ST6GALNAC3: variants seen among roughly 807,000 people sequenced by gnomAD.
ST6GALNAC3 encodes the protein ST6 N-acetylgalactosaminide alpha-2,6-sialyltransferase 3.
In ST6GALNAC3, 25 loss-of-function variants were observed where a neutral mutation model predicts 32.7. The observed-to-expected ratio is 0.76, with a 90% CI of 0.56 to 1.07. ST6GALNAC3 has a LOEUF of 1.07. Among genes scored for constraint, ST6GALNAC3 ranks in the 50% least tolerant of loss-of-function variants. ST6GALNAC3 has a pLI of 0.00. For synonymous variants in ST6GALNAC3, 129 were observed against 133.1 expected (o/e 0.97, Z 0.21); for missense variants, 355 against 382.4 (o/e 0.93, Z 0.60).
chr1:76,380,551 AAAT>A (rs1247007304), intron 2 of ST6GALNAC3, among the ~76,000 whole-genome samples: 1 of 152,364 alleles, frequency 6.6e-6, no homozygotes, highest in East Asian at 1.9e-4. Flanking sequence ...CCATATTTGA[AAAT>A]AATAAAAATG....
At chr1:76,122,824 T>C (rs1218714265) in intron 1 of ST6GALNAC3, among the ~76,000 whole-genome samples, 1 of 152,150 alleles carries the variant, frequency 6.6e-6, no homozygotes, top group African/African-American at 2.4e-5. Context: ...AGCCAGACTC[T>C]GTTGTGCATA....
intron 3 of ST6GALNAC3, among the ~76,000 whole-genome samples, chr1:76,436,140 C>G (rs1656126965): frequency 6.6e-6 from 1 of 152,042 alleles, no homozygotes; most frequent in Non-Finnish European, 1.5e-5. Context: ...AATCCAATCT[C>G]TTTTGTATTA....
chr1:76,407,708 C>T (rs1250653029), intron 2 of ST6GALNAC3, among the ~76,000 whole-genome samples: 1 of 150,074 alleles, frequency 6.7e-6, no homozygotes, highest in African/African-American at 2.4e-5. Context: ...AAAATAGAGA[C>T]AATTCAACTA....
In ST6GALNAC3 at chr1:76,287,387, C is replaced by CTTTTT. The variant is rs5775339; in HGVS notation, c.19-26405_19-26401dup. ...CAGTTGTAGGTTTTCTTTTTTCTTCCTTTTTTTTTTTTTTTTTGCATTTGA... is the reference window on the plus strand; with the variant it reads ...CAGTTGTAGGTTTTCTTTTTTCTTCCTTTTTTTTTTTTTTTTTTTTTTGCATTTGA... On this transcript the variant is annotated intron_variant, in intron 1 of 4. Transcript: ENST00000328299. Among the ~76,000 whole-genome samples, 224 of 130,740 alleles carry CTTTTT rather than the reference C, an allele frequency of 1.7e-3. 2 individuals carry two copies. The highest frequency in any genetic ancestry group is 6.2e-3 in the African/African-American group (216 of 34,814). The allele number at this position is 130,740 out of a possible 152,430, so 85.8% of individuals were successfully genotyped here.
intron 3 of ST6GALNAC3, among the ~76,000 whole-genome samples, chr1:76,428,192 A>G (rs554729500): frequency 6.6e-6 from 1 of 152,196 alleles, no homozygotes; most frequent in East Asian, 1.9e-4. Context: ...ACGGTTCATC[A>G]GCATCTTACT....
At chr1:76,321,984 G>A (rs994506062) in intron 2 of ST6GALNAC3, among the ~76,000 whole-genome samples, 22 of 152,102 alleles carry the variant, frequency 1.4e-4, no homozygotes, top group African/African-American at 5.1e-4. Flanking sequence ...TTTTAATGTA[G>A]TGATCGGTTC....
chr1:76,304,327 C>T (rs1366768578), intron 1 of ST6GALNAC3, among the ~76,000 whole-genome samples: 1 of 151,962 alleles, frequency 6.6e-6, no homozygotes, highest in Non-Finnish European at 1.5e-5. Flanking sequence ...TCCTTCCCTC[C>T]CTTCCTTTCT....
At chr1:76,549,718 A>G (rs1237147143) in intron 3 of ST6GALNAC3, among the ~76,000 whole-genome samples, 1 of 152,096 alleles carries the variant, frequency 6.6e-6, no homozygotes, top group African/African-American at 2.4e-5. Flanking sequence ...CTAGAAGTAA[A>G]TTTACAGGGG....
chr1:76,580,544 A>G (rs747439270), intron 3 of ST6GALNAC3, among the ~76,000 whole-genome samples: 2 of 152,226 alleles, frequency 1.3e-5, no homozygotes, highest in Non-Finnish European at 2.9e-5. Context: ...ATGTTATCTT[A>G]GGGAACCAGC....
intron 1 of ST6GALNAC3, among the ~76,000 whole-genome samples, chr1:76,269,805 A>T (rs1658732757): frequency 1.3e-5 from 2 of 152,158 alleles, no homozygotes; most frequent in African/African-American, 4.8e-5. Context: ...CACTATGAAT[A>T]CACCCTCCAA....
At chr1:76,203,554 T>G (rs1196556167) in intron 1 of ST6GALNAC3, among the ~76,000 whole-genome samples, 1 of 152,166 alleles carries the variant, frequency 6.6e-6, no homozygotes, top group Non-Finnish European at 1.5e-5. Context: ...AGAAAGTTTA[T>G]GTTTAAATGC....
At chr1:76,430,835 A>G (rs898580865) in intron 3 of ST6GALNAC3, among the ~76,000 whole-genome samples, 3 of 152,058 alleles carry the variant, frequency 2.0e-5, no homozygotes, top group African/African-American at 7.2e-5. Context: ...TCAATTTCGT[A>G]AGCACTTGAA....
rs200875898 is a variant in ST6GALNAC3, at chr1:76,320,959, T to TAC, written c.213+6961_213+6962insCA. Among the ~76,000 whole-genome samples, 278 of 148,440 alleles carry TAC rather than the reference T, an allele frequency of 1.9e-3. 2 individuals are homozygous for TAC. The highest frequency in any genetic ancestry group is 6.5e-3 in the African/African-American group (252 of 38,644). ...TGTGTAAATGGTGTAAAATGGTATA[T>TAC]ATATACACACACACACACACACACA... On this transcript the variant is annotated intron_variant, in intron 2 of 4. Transcript: ENST00000328299.
At chr1:76,334,541 CA>C (rs1319431031) in intron 2 of ST6GALNAC3, among the ~76,000 whole-genome samples, 2 of 152,152 alleles carry the variant, frequency 1.3e-5, no homozygotes, top group East Asian at 3.8e-4. Flanking sequence ...CGATGTTGGA[CA>C]AATGAAGTGA....
At chr1:76,109,862 C>G (rs1205340265) in intron 1 of ST6GALNAC3, among the ~76,000 whole-genome samples, 1 of 152,176 alleles carries the variant, frequency 6.6e-6, no homozygotes, top group Non-Finnish European at 1.5e-5. Context: ...CTTTCAAGCA[C>G]AGGTTTAGGT....
At chr1:76,522,703 C>A (rs1662623276) in intron 3 of ST6GALNAC3, among the ~76,000 whole-genome samples, 1 of 152,162 alleles carries the variant, frequency 6.6e-6, no homozygotes. Context: ...AGTTCTTTTT[C>A]TTCCATGTTT....
intron 3 of ST6GALNAC3, among the ~76,000 whole-genome samples, chr1:76,481,366 C>T (rs1279263420): frequency 6.6e-6 from 1 of 152,106 alleles, no homozygotes; most frequent in Non-Finnish European, 1.5e-5. Flanking sequence ...CCCCAGTTTC[C>T]TGATTTGCTA....
intron 1 of ST6GALNAC3, among the ~76,000 whole-genome samples, chr1:76,203,338 C>T (rs978466601): frequency 6.6e-6 from 1 of 152,182 alleles, no homozygotes; most frequent in Non-Finnish European, 1.5e-5. Flanking sequence ...ACTAGATCAA[C>T]AGTCTGGAAA....
chr1:76,469,413 G>C (rs1223586034), intron 3 of ST6GALNAC3, among the ~76,000 whole-genome samples: 1 of 152,074 alleles, frequency 6.6e-6, no homozygotes, highest in East Asian at 1.9e-4. Context: ...TCAGAACCCT[G>C]AGGGAGAAAA....
Sources: allele counts gnomAD v4.1 joint callset (sites outside exome capture counted in the v4.1 genomes callset), GRCh38; gene constraint gnomAD v4.1.1; transcripts MANE v1.5; gene names NCBI Gene and HGNC (gene_info 2026-07-23, HGNC 2026-07-21).